Variants in SORCS1 observed in about 807,000 individuals in gnomAD.
SORCS1 encodes the protein VPS10 domain-containing receptor SorCS1.
In SORCS1, 60 loss-of-function variants were observed where a neutral mutation model predicts 146.1. The ratio of observed to expected loss-of-function variants is 0.41; its 90% CI spans 0.33 to 0.51. The LOEUF is 0.51. SORCS1 is among the 20% of genes least tolerant of loss of function. SORCS1 has a pLI of 0.21. For synonymous variants in SORCS1, 637 were observed against 584.0 expected (o/e 1.09, Z -1.31); for missense variants, 1,352 against 1,487.6 (o/e 0.91, Z 1.50).
chr10:107,043,678 A>G (rs1009304544), intron 1 of SORCS1, among the ~76,000 whole-genome samples: 3 of 151,988 alleles, frequency 2.0e-5, no homozygotes, highest in Admixed American at 2.0e-4. Context: ...TCCCTGCCAC[A>G]ATCTGGCCCT....
chr10:106,671,157 AT>A, intron 16 of SORCS1, 79 bp downstream of exon 16: 1 of 1,582,054 alleles, frequency 6.3e-7, no homozygotes, highest in South Asian at 1.2e-5. Flanking sequence ...TGTTACTATT[AT>A]TTCAATTCTA....
At chr10:107,106,970 G>T (rs1230711044) in intron 1 of SORCS1, among the ~76,000 whole-genome samples, 1 of 152,178 alleles carries the variant, frequency 6.6e-6, no homozygotes, top group Non-Finnish European at 1.5e-5. Flanking sequence ...TGGGGCTCAA[G>T]GTCCCAGCCT....
chr10:106,861,399 TAAAAA>T (rs35890575), intron 2 of SORCS1, among the ~76,000 whole-genome samples: 1 of 128,278 alleles, frequency 7.8e-6, no homozygotes, highest in African/African-American at 3.0e-5. Context: ...GACTCCGCCT[TAAAAA>T]AAAAAAAAAA....
intron 24 of SORCS1, among the ~76,000 whole-genome samples, chr10:106,583,670 A>ATT (rs369085084): frequency 1.4e-5 from 2 of 146,962 alleles, no homozygotes; most frequent in Non-Finnish European, 3.0e-5. Context: ...CGCATGGCTA[A>ATT]TTTTTTTTTT....
At chr10:107,132,467 T>C (rs964022023) in intron 1 of SORCS1, among the ~76,000 whole-genome samples, 3 of 152,192 alleles carry the variant, frequency 2.0e-5, no homozygotes, top group African/African-American at 7.2e-5. Context: ...ACTGGAGTTA[T>C]GATGTTATTT....
chr10:107,115,289 A>C (rs549626649), intron 1 of SORCS1, among the ~76,000 whole-genome samples: 6 of 152,050 alleles, frequency 3.9e-5, no homozygotes, highest in Non-Finnish European at 8.8e-5. Context: ...AAAGACCTGA[A>C]ATAGCCAAAG....
At chr10:107,102,383 C>A (rs920416293) in intron 1 of SORCS1, among the ~76,000 whole-genome samples, 7 of 152,210 alleles carry the variant, frequency 4.6e-5, no homozygotes, top group South Asian at 2.1e-4. Flanking sequence ...GGAAGTCATG[C>A]AAAATGTCAA....
intron 1 of SORCS1, among the ~76,000 whole-genome samples, chr10:106,971,900 T>C (rs557029357): frequency 6.6e-6 from 1 of 151,918 alleles, no homozygotes; most frequent in East Asian, 1.9e-4. Context: ...TCAAAATCTC[T>C]TCTTCTGTGT....
intron 5 of SORCS1, among the ~76,000 whole-genome samples, chr10:106,742,034 G>A (rs2136112417): frequency 6.6e-6 from 1 of 152,220 alleles, no homozygotes; most frequent in Admixed American, 6.6e-5. Context: ...TACACTAAGA[G>A]GCTATTGCCC....
At chr10:106,645,015 T>C (rs1454313775) in intron 18 of SORCS1, among the ~76,000 whole-genome samples, 1 of 151,914 alleles carries the variant, frequency 6.6e-6, no homozygotes, top group Non-Finnish European at 1.5e-5. Context: ...ATAGGTGGTA[T>C]ACATGTTCAG....
At chr10:107,126,173 C>T (rs774523522) in intron 1 of SORCS1, among the ~76,000 whole-genome samples, 3 of 152,086 alleles carry the variant, frequency 2.0e-5, no homozygotes, top group Non-Finnish European at 4.4e-5. Context: ...ATTTTAGGCT[C>T]ACTTTAAGCC....
At chr10:107,002,164 T>C (rs920675351) in intron 1 of SORCS1, among the ~76,000 whole-genome samples, 6 of 152,216 alleles carry the variant, frequency 3.9e-5, no homozygotes, top group Non-Finnish European at 5.9e-5. Context: ...CCCAGGAGCA[T>C]CACCACAAAA....
chr10:106,950,716 G>A (rs1479646086), intron 2 of SORCS1, among the ~76,000 whole-genome samples: 1 of 152,012 alleles, frequency 6.6e-6, no homozygotes, highest in African/African-American at 2.4e-5. Context: ...CCACCAGAAG[G>A]CAGAGCTCTG....
intron 2 of SORCS1, among the ~76,000 whole-genome samples, chr10:106,868,287 T>C (rs906424597): frequency 6.6e-6 from 1 of 151,924 alleles, no homozygotes; most frequent in South Asian, 2.1e-4. Flanking sequence ...TATTAGATCA[T>C]TGAGGGAGAA....
intron 2 of SORCS1, among the ~76,000 whole-genome samples, chr10:106,891,418 T>C (rs1951224306): frequency 6.6e-6 from 1 of 151,956 alleles, no homozygotes; most frequent in Non-Finnish European, 1.5e-5. Context: ...AGGTATCAAA[T>C]ATATGAATGA....
At chr10:106,866,027 C>T (rs1373823784) in intron 2 of SORCS1, among the ~76,000 whole-genome samples, 9 of 147,614 alleles carry the variant, frequency 6.1e-5, no homozygotes, top group South Asian at 2.1e-4. Flanking sequence ...AATGAGATTC[C>T]GTCTCAAAAA....
intron 4 of SORCS1, among the ~76,000 whole-genome samples, chr10:106,762,386 CTTTTTTT>C (rs869195563): frequency 3.3e-4 from 24 of 73,822 alleles, no homozygotes; most frequent in Admixed American, 7.6e-4. Flanking sequence ...TTTTATTATT[CTTTTTTT>C]TTTTTTTTTT....
intron 1 of SORCS1, among the ~76,000 whole-genome samples, chr10:106,964,971 C>T (rs1564863043): frequency 6.7e-6 from 1 of 150,356 alleles, no homozygotes; most frequent in Non-Finnish European, 1.5e-5. Flanking sequence ...CCGTTTGCAG[C>T]AAGAAACAGA....
chr10:107,180,083 A>T, the SORCS1 span, among the ~76,000 whole-genome samples: 1 of 151,246 alleles, frequency 6.6e-6, no homozygotes, highest in Non-Finnish European at 1.5e-5. Flanking sequence ...TGCCTATCTA[A>T]CTTGTTGTTT....
Sources: gnomAD v4.1 joint callset for allele counts (sites outside exome capture counted in the v4.1 genomes callset) on GRCh38, gnomAD v4.1.1 for gene constraint, MANE v1.5 for transcripts, NCBI Gene and HGNC (gene_info 2026-07-23, HGNC 2026-07-21) for gene names.